The following IHO1 variants were observed in gnomAD, a reference collection of about 807,000 sequenced individuals.
IHO1 encodes interactor of HORMAD1 protein 1.
In IHO1, 13 loss-of-function variants were observed where a neutral mutation model predicts 31.0. The observed-to-expected ratio is 0.42, with a 90% CI of 0.27 to 0.67. The LOEUF is 0.67. Ranked by LOEUF, IHO1 falls within the 30% of genes least tolerant of loss-of-function variation. The probability of loss-of-function intolerance (pLI) is 0.24; values close to 1 mark genes in which losing one functional copy is unlikely to be tolerated. For missense variants in IHO1, 599 were observed against 687.5 expected (o/e 0.87, Z 1.44); for synonymous variants, 221 against 248.4 (o/e 0.89, Z 1.04).
chr3:49,199,184 T>C (rs2046022157), upstream of IHO1: 1 of 152,484 alleles, frequency 6.6e-6, no homozygotes, highest in African/African-American at 2.4e-5. Flanking sequence ...GAACGTTGCA[T>C]GGGGTGCACG....
At chr3:49,242,784 G>A (rs2046646683) in intron 4 of IHO1, among the ~76,000 whole-genome samples, 1 of 152,092 alleles carries the variant, frequency 6.6e-6, no homozygotes, top group Non-Finnish European at 1.5e-5. Context: ...CAGCCTGGGA[G>A]ACAAGAGTGA....
At chr3:49,194,580 C>T (rs1018676115), upstream of IHO1, among the ~76,000 whole-genome samples, 27 of 146,890 alleles carry the variant, frequency 1.8e-4, no homozygotes, top group African/African-American at 6.4e-4. Context: ...CGTGAGCCAC[C>T]GTGCCCAGCC....
At chr3:49,193,507 G>A (rs1304554765), upstream of IHO1, among the ~76,000 whole-genome samples, 2 of 151,764 alleles carry the variant, frequency 1.3e-5, no homozygotes, top group Non-Finnish European at 2.9e-5. Flanking sequence ...GACCAGCCTG[G>A]CCAACATGGT....
chr3:49,210,696 G>A (rs1337623407), intron 1 of IHO1, among the ~76,000 whole-genome samples: 1 of 136,024 alleles, frequency 7.4e-6, no homozygotes, highest in Non-Finnish European at 1.5e-5. Context: ...ACTGCGCCCG[G>A]CTTTTTTTTT....
intron 2 of IHO1, among the ~76,000 whole-genome samples, chr3:49,213,160 T>C (rs1400428844): frequency 3.3e-5 from 5 of 151,600 alleles, no homozygotes; most frequent in African/African-American, 9.7e-5. Context: ...AGAGTGCTGA[T>C]TGTTGTATTT....
At chr3:49,202,851 AT>A (rs71077774) in intron 1 of IHO1, among the ~76,000 whole-genome samples, 1,761 of 90,130 alleles carry the variant, frequency 0.02, 18 homozygotes, top group African/African-American at 0.07. Context: ...AATTTTTTGT[AT>A]TTTTTTTTTT....
At chr3:49,246,053 G>A (rs898662225) in intron 6 of IHO1, among the ~76,000 whole-genome samples, 4 of 151,778 alleles carry the variant, frequency 2.6e-5, no homozygotes, top group Non-Finnish European at 4.4e-5. Context: ...GTGGTGGTGG[G>A]CGCCTGTAGT....
intron 4 of IHO1, among the ~76,000 whole-genome samples, chr3:49,242,328 A>G (rs1259580900): frequency 2.0e-5 from 3 of 151,442 alleles, no homozygotes; most frequent in Admixed American, 1.3e-4. Context: ...GTGTCTCACT[A>G]TGTTGTCCAG....
chr3:49,239,862 T>C (rs968723388), intron 3 of IHO1, among the ~76,000 whole-genome samples: 1 of 151,862 alleles, frequency 6.6e-6, no homozygotes, highest in Non-Finnish European at 1.5e-5. Context: ...GGTTTCTCCA[T>C]GTTGGTCAGG....
At chr3:49,246,440 T>G (rs966661136) in intron 6 of IHO1, among the ~76,000 whole-genome samples, 3 of 151,704 alleles carry the variant, frequency 2.0e-5, no homozygotes. Flanking sequence ...AGGCCAGGAG[T>G]TCGAGACCAG....
upstream of IHO1, among the ~76,000 whole-genome samples, chr3:49,194,389 C>T (rs1203838055): frequency 1.4e-5 from 2 of 142,078 alleles, no homozygotes; most frequent in Admixed American, 6.9e-5. Flanking sequence ...CTGCAAGCTC[C>T]GCCTCCCGGG....
At chr3:49,207,391 G>A (rs1386501832) in intron 1 of IHO1, among the ~76,000 whole-genome samples, 1 of 151,620 alleles carries the variant, frequency 6.6e-6, no homozygotes, top group East Asian at 2.0e-4. Flanking sequence ...GACTACAGGT[G>A]CATGCCACCA....
chr3:49,206,595 G>T (rs2046141262), intron 1 of IHO1, among the ~76,000 whole-genome samples: 1 of 152,086 alleles, frequency 6.6e-6, no homozygotes, highest in South Asian at 2.1e-4. Context: ...TGCATTTTTT[G>T]TGATGAGCAG....
At chr3:49,200,435 A>G (rs2046039462) in intron 1 of IHO1, 1 of 324,642 alleles carries the variant, frequency 3.1e-6, no homozygotes, top group African/African-American at 2.4e-5. Flanking sequence ...ACTGCACTCC[A>G]GCCTGGGCGA....
At chr3:49,249,563 C>T (rs767162832) in intron 6 of IHO1, among the ~76,000 whole-genome samples, 4 of 152,052 alleles carry the variant, frequency 2.6e-5, no homozygotes, top group African/African-American at 4.8e-5. Flanking sequence ...CCACCACGCC[C>T]GGCCATGGAC....
chr3:49,207,552 C>G (rs148563701), intron 1 of IHO1, among the ~76,000 whole-genome samples: 1 of 151,856 alleles, frequency 6.6e-6, no homozygotes, highest in Non-Finnish European at 1.5e-5. Flanking sequence ...GTCCTTGTAA[C>G]TCATGCTGCA....
chr3:49,244,564 A>G, intron 5 of IHO1, 82 bp from the exon 6 acceptor site: 1 of 1,361,458 alleles, frequency 7.3e-7, no homozygotes, highest in Middle Eastern at 1.8e-4. Flanking sequence ...AACTATCCCT[A>G]TTTATCATGA....
upstream of IHO1, among the ~76,000 whole-genome samples, chr3:49,194,693 A>G (rs940516941): frequency 6.8e-6 from 1 of 146,924 alleles, no homozygotes; most frequent in Admixed American, 6.7e-5. Flanking sequence ...CCCAGGAGTT[A>G]CAGACCAGCC....
At chr3:49,226,141 T>C (rs1264779906) in intron 2 of IHO1, among the ~76,000 whole-genome samples, 1 of 152,220 alleles carries the variant, frequency 6.6e-6, no homozygotes, top group Non-Finnish European at 1.5e-5. Flanking sequence ...CTGTCCTCTC[T>C]GAACCACCAA....
Sources: allele counts gnomAD v4.1 joint callset (sites outside exome capture counted in the v4.1 genomes callset), GRCh38; gene constraint gnomAD v4.1.1; transcripts MANE v1.5; gene names NCBI Gene and HGNC (gene_info 2026-07-23, HGNC 2026-07-21).